LRP1B: variants seen among roughly 807,000 people sequenced by gnomAD.
The protein encoded by LRP1B is low-density lipoprotein receptor-related protein 1B.
A neutral mutation model predicts 556.6 loss-of-function variants in LRP1B; 217 were observed. The observed-to-expected ratio is 0.39, with a 90% CI of 0.35 to 0.44. The LOEUF (loss-of-function observed/expected upper bound fraction) is 0.44, where lower values mean the gene tolerates loss of function less well. Among genes scored for constraint, LRP1B ranks in the 20% least tolerant of loss-of-function variants. The pLI is 1.00. For synonymous variants in LRP1B, 2,047 were observed against 1,865.8 expected (o/e 1.10, Z -2.50); for missense variants, 5,053 against 5,620.8 (o/e 0.90, Z 3.23).
intron 1 of LRP1B, among the ~76,000 whole-genome samples, chr2:141,970,844 C>T (rs1387167219): frequency 6.6e-6 from 1 of 151,480 alleles, no homozygotes; most frequent in South Asian, 2.1e-4. Flanking sequence ...GAGTGATCAG[C>T]CCCTTATGGC....
intron 16 of LRP1B, among the ~76,000 whole-genome samples, chr2:140,993,201 T>G (rs929400083): frequency 6.6e-6 from 1 of 151,988 alleles, no homozygotes; most frequent in Non-Finnish European, 1.5e-5. Flanking sequence ...AGAAAAAAAA[T>G]TAAAAACAAT....
At chr2:141,553,581 G>A (rs1574073473) in intron 2 of LRP1B, among the ~76,000 whole-genome samples, 1 of 149,560 alleles carries the variant, frequency 6.7e-6, no homozygotes, top group African/African-American at 2.5e-5. Context: ...TGTTGATTTT[G>A]GAGCAGGTTA....
At chr2:140,821,593 C>T (rs1472062454) in intron 31 of LRP1B, among the ~76,000 whole-genome samples, 1 of 152,080 alleles carries the variant, frequency 6.6e-6, no homozygotes, top group Admixed American at 6.5e-5. Context: ...GGAAAAAGTG[C>T]TTAAGAATGT....
intron 2 of LRP1B, among the ~76,000 whole-genome samples, chr2:141,765,898 G>A (rs1694717991): frequency 6.6e-6 from 1 of 151,928 alleles, no homozygotes; most frequent in Non-Finnish European, 1.5e-5. Flanking sequence ...CTGGGGTTAG[G>A]GTCCAGCACT....
intron 47 of LRP1B, 145 bp from the exon 48 acceptor site, chr2:140,526,495 C>T (rs1056180762): frequency 3.4e-6 from 2 of 583,810 alleles, no homozygotes; most frequent in African/African-American, 1.9e-5. Flanking sequence ...CCCTGAACCC[C>T]ACCTTCAAGC....
chr2:141,124,666 A>AG (rs1701154898), intron 7 of LRP1B, among the ~76,000 whole-genome samples: 1 of 137,352 alleles, frequency 7.3e-6, no homozygotes, highest in African/African-American at 2.8e-5. Context: ...TGACAAATGA[A>AG]AAAAAAAAAA....
At position 140,462,719 on chromosome 2, in the gene LRP1B, G is replaced by T. The variant is rs80069514; in HGVS notation, c.9626-5068C>A. 3.5e-3 allele frequency among the ~76,000 whole-genome samples: 531 copies of T among 152,242 alleles called. 8 individuals carry two copies. Among genetic ancestry groups the T allele is most frequent in the African/African-American group, 0.012 (492 of 41,552 alleles). On this transcript the variant is annotated intron_variant, in intron 60 of 90. Transcript: ENST00000389484. Reference sequence around the variant, plus strand: ...GAAGAGGGCAAAGAGGCAAAGCCAGGATAACTAGAACTCCCACTAACTAAT... The same window carrying T: ...GAAGAGGGCAAAGAGGCAAAGCCAGTATAACTAGAACTCCCACTAACTAAT...
At chr2:141,905,744 A>C (rs1464036795) in intron 1 of LRP1B, among the ~76,000 whole-genome samples, 3 of 137,536 alleles carry the variant, frequency 2.2e-5, no homozygotes, top group African/African-American at 7.8e-5. Context: ...TACAGGGAGA[A>C]AATGGATCTG....
At chr2:141,088,583 T>A (rs528058518) in intron 7 of LRP1B, among the ~76,000 whole-genome samples, 24 of 152,148 alleles carry the variant, frequency 1.6e-4, no homozygotes, top group Non-Finnish European at 3.2e-4. Context: ...GAGGCACTTA[T>A]ATTTCCTCCA....
chr2:140,811,899 C>T (rs751802501), intron 32 of LRP1B, among the ~76,000 whole-genome samples: 23 of 151,832 alleles, frequency 1.5e-4, no homozygotes, highest in Admixed American at 1.4e-3. Context: ...CAATATAATG[C>T]TCTATAAATA....
At chr2:141,484,752 T>G (rs1283273811) in intron 2 of LRP1B, among the ~76,000 whole-genome samples, 1 of 152,118 alleles carries the variant, frequency 6.6e-6, no homozygotes, top group Non-Finnish European at 1.5e-5. Flanking sequence ...ACTCATGATT[T>G]GGCTCTCTGT....
chr2:141,700,631 C>A lies in LRP1B; in HGVS notation c.205+109648G>T, dbSNP rs893413046. Among the ~76,000 whole-genome samples, 3 of 151,728 alleles carry A rather than the reference C, an allele frequency of 2.0e-5. 1 individual carries two copies. The highest frequency in any genetic ancestry group is 4.1e-4 in the South Asian group (2 of 4,820). The stretch of plus-strand genomic sequence containing the variant: ...CTGCGCTATTTCTCAGTGCCATTCT[C>A]CCCGAAGGCTAGCCATAGAAACTAG... On this transcript the variant is annotated intron_variant, in intron 2 of 90. Coordinates refer to ENST00000389484, the MANE Select transcript of LRP1B (RefSeq NM_018557.3).
intron 43 of LRP1B, among the ~76,000 whole-genome samples, chr2:140,582,841 G>T (rs965174627): frequency 6.6e-6 from 1 of 152,138 alleles, no homozygotes; most frequent in Non-Finnish European, 1.5e-5. Context: ...TTTTCATTCA[G>T]TTAACAAGCC....
At chr2:142,058,541 A>T (rs1039716254) in intron 1 of LRP1B, among the ~76,000 whole-genome samples, 5 of 152,020 alleles carry the variant, frequency 3.3e-5, no homozygotes, top group Non-Finnish European at 5.9e-5. Flanking sequence ...AAACGTTATG[A>T]GGTTTTTTTT....
At chr2:141,259,453 T>C (rs1462070331) in intron 3 of LRP1B, among the ~76,000 whole-genome samples, 3 of 152,208 alleles carry the variant, frequency 2.0e-5, no homozygotes, top group Non-Finnish European at 2.9e-5. Flanking sequence ...CTAGCCAATA[T>C]AACGTAGAGA....
At chr2:141,258,420 A>C (rs1292400138) in intron 3 of LRP1B, among the ~76,000 whole-genome samples, 1 of 152,178 alleles carries the variant, frequency 6.6e-6, no homozygotes, top group Non-Finnish European at 1.5e-5. Flanking sequence ...CAGGAGGCAG[A>C]GGATAGTGCC....
intron 1 of LRP1B, among the ~76,000 whole-genome samples, chr2:142,043,563 G>C (rs1273560652): frequency 6.6e-6 from 1 of 151,606 alleles, no homozygotes; most frequent in African/African-American, 2.4e-5. Flanking sequence ...CACCAGGTAA[G>C]TGGGAGGGAA....
intron 2 of LRP1B, among the ~76,000 whole-genome samples, chr2:141,625,836 T>A (rs1266361298): frequency 6.6e-6 from 1 of 152,094 alleles, no homozygotes; most frequent in African/African-American, 2.4e-5. Context: ...TGGGAACCTA[T>A]AAGATTAAAA....
chr2:142,006,079 C>T (rs527605000), intron 1 of LRP1B, among the ~76,000 whole-genome samples: 158 of 152,084 alleles, frequency 1.0e-3, no homozygotes, highest in Non-Finnish European at 1.9e-3. Flanking sequence ...TTTTCTTTCC[C>T]TTCTCTCTTT....
Sources: gnomAD v4.1 joint callset for allele counts (sites outside exome capture counted in the v4.1 genomes callset) on GRCh38, gnomAD v4.1.1 for gene constraint, MANE v1.5 for transcripts, NCBI Gene and HGNC (gene_info 2026-07-23, HGNC 2026-07-21) for gene names.